Variants in PDE7A observed in about 807,000 individuals in gnomAD.
The protein encoded by PDE7A is phosphodiesterase 7A, also known as high affinity 3',5'-cyclic-AMP phosphodiesterase 7A.
Under a neutral mutation model 64.3 loss-of-function variants are expected in PDE7A, and 39 were observed. The observed-to-expected ratio is 0.61, with a 90% CI of 0.47 to 0.79. The LOEUF (loss-of-function observed/expected upper bound fraction) is 0.79, where lower values mean the gene tolerates loss of function less well. Ranked by LOEUF, PDE7A falls within the 30% of genes least tolerant of loss-of-function variation. The pLI is 0.00. For synonymous variants in PDE7A, 203 were observed against 206.8 expected (o/e 0.98, Z 0.16); for missense variants, 470 against 582.8 (o/e 0.81, Z 1.99).
chr8:65,784,529 A>G (rs1399284238), intron 1 of PDE7A, among the ~76,000 whole-genome samples: 1 of 152,178 alleles, frequency 6.6e-6, no homozygotes, highest in East Asian at 1.9e-4. Context: ...CTGTATTTTA[A>G]AAAGTCTTAG....
At chr8:65,794,289 TC>T (rs1809779368) in intron 1 of PDE7A, among the ~76,000 whole-genome samples, 2 of 152,144 alleles carry the variant, frequency 1.3e-5, no homozygotes, top group African/African-American at 4.8e-5. Context: ...CAAAGGCTCC[TC>T]AATGGGACAG....
intron 1 of PDE7A, among the ~76,000 whole-genome samples, chr8:65,802,514 A>C (rs1810015307): frequency 6.6e-6 from 1 of 152,140 alleles, no homozygotes; most frequent in South Asian, 2.1e-4. Context: ...TCCAGTGTTT[A>C]CTCTTCCTAA....
At chr8:65,784,365 A>G (rs1197431320) in intron 1 of PDE7A, among the ~76,000 whole-genome samples, 1 of 152,234 alleles carries the variant, frequency 6.6e-6, no homozygotes, top group Non-Finnish European at 1.5e-5. Context: ...TGTGGAGGAA[A>G]TACTGATTTT....
At chr8:65,787,543 C>T (rs1411345536) in intron 1 of PDE7A, among the ~76,000 whole-genome samples, 1 of 152,116 alleles carries the variant, frequency 6.6e-6, no homozygotes, top group Non-Finnish European at 1.5e-5. Flanking sequence ...CACTGATCTA[C>T]CAAACAGTAT....
intron 3 of PDE7A, among the ~76,000 whole-genome samples, chr8:65,757,605 T>C (rs1122354): frequency 0.095 from 14,265 of 149,470 alleles, 1,698 homozygotes; most frequent in East Asian, 0.5. Flanking sequence ...ACTTTGTTTT[T>C]GTTTTGTTTT....
In PDE7A at chr8:65,717,183, T is replaced by C. The variant is rs1459179401; in HGVS notation, c.*2107A>G. Among the ~76,000 whole-genome samples the C allele has an allele frequency of 6.6e-6, 1 of 152,232 alleles. No individual in the cohort carries two copies. The highest frequency in any genetic ancestry group is 1.5e-5 in the Non-Finnish European group (1 of 68,036). On this transcript the variant is annotated 3_prime_UTR_variant, in exon 13 of 13. Coordinates refer to ENST00000401827, the MANE Select transcript of PDE7A (RefSeq NM_001242318.3). ...AATTATGTGGCTTGGATTCTGTTTC[T>C]ATTGGACATCAACACTCTTCTGTAC...
At chr8:65,733,426 G>GT (rs1806987595) in intron 7 of PDE7A, among the ~76,000 whole-genome samples, 1 of 152,150 alleles carries the variant, frequency 6.6e-6, no homozygotes, top group Non-Finnish European at 1.5e-5. Flanking sequence ...TCAAACAGAG[G>GT]ATGCAGTCTT....
At chr8:65,819,577 A>G (rs542240391) in intron 1 of PDE7A, among the ~76,000 whole-genome samples, 60 of 152,384 alleles carry the variant, frequency 3.9e-4, no homozygotes, top group Admixed American at 1.2e-3. Context: ...AAGCAATGTA[A>G]GTATTTAGCA....
At chr8:65,805,693 TA>T (rs1045012599) in intron 1 of PDE7A, among the ~76,000 whole-genome samples, 5 of 152,222 alleles carry the variant, frequency 3.3e-5, no homozygotes, top group Non-Finnish European at 7.3e-5. Flanking sequence ...GTTTGAGGGA[TA>T]ATGGTACTGT....
rs554503198 is a variant in PDE7A, at chr8:65,768,371, A to G, written c.283+11349T>C. On this transcript the variant is annotated intron_variant, in intron 3 of 12. Transcript: ENST00000401827. The stretch of plus-strand genomic sequence containing the variant: ...TTGTGGGAGGGACCTGGTAGGAGGT[A>G]GTTGAATCATGGGGGTGCTAATTCT... Among the ~76,000 whole-genome samples, 5 of 152,266 alleles carry G rather than the reference A, an allele frequency of 3.3e-5. No homozygotes were observed. In the South Asian group the frequency reaches 1.0e-3, roughly 32 times the overall value.
At chr8:65,814,714 T>C (rs1810351704) in intron 1 of PDE7A, among the ~76,000 whole-genome samples, 1 of 151,824 alleles carries the variant, frequency 6.6e-6, no homozygotes, top group South Asian at 2.1e-4. Flanking sequence ...TCTAAATTAT[T>C]TAATTTTGGC....
chr8:65,726,328 T>G (rs929792527), intron 9 of PDE7A, among the ~76,000 whole-genome samples: 3 of 149,358 alleles, frequency 2.0e-5, no homozygotes, highest in Non-Finnish European at 4.5e-5. Context: ...AATAGCCCAT[T>G]TATTTTTTTT....
intron 9 of PDE7A, 79 bp downstream of exon 9, chr8:65,726,796 T>A (rs1000888906): frequency 6.6e-6 from 5 of 760,224 alleles, no homozygotes; most frequent in Non-Finnish European, 1.1e-5. Flanking sequence ...CATAACAATT[T>A]TTAAAACTTT....
In PDE7A at chr8:65,747,878, A is replaced by G. The variant is rs935643010; in HGVS notation, c.284-75T>C. ...ATGCTATCTTTGCAATACCACTTTT[A>G]GTTATGTACAAGTATTTTTAAAAAT... On this transcript the variant is annotated intron_variant, in intron 3 of 12. Transcript: ENST00000401827. The G allele has an allele frequency of 4.9e-5, 39 of 800,234 alleles. No individual in the cohort carries two copies. The East Asian group carries it at 1.1e-3, about 22-fold the overall frequency. 49.6% of individuals were successfully genotyped at this position (800,234 alleles called of 1,614,324 possible). A position where few individuals can be genotyped will look rare whatever the true frequency, so the allele number is the denominator to read the frequency against.
At chr8:65,823,096 C>T (rs1331175832) in intron 1 of PDE7A, among the ~76,000 whole-genome samples, 4 of 151,998 alleles carry the variant, frequency 2.6e-5, no homozygotes, top group African/African-American at 9.7e-5. Context: ...CCACTTGAAT[C>T]CTGCTCTAAG....
In PDE7A at chr8:65,723,620, T is replaced by C; in HGVS notation, c.1164A>G (p.Gly388=). Residue 388 remains glycine (G), a splice_region_variant and synonymous_variant, in exon 12 of 13, where the codon GGA becomes GGG. Transcript: ENST00000401827. Reference sequence around the variant, plus strand: ...CCAAATGATATTTTTTTTCTATATCTCCTATAAATTAAAAAAAGAGAAGTA... The same window carrying C: ...CCAAATGATATTTTTTTTCTATATCCCCTATAAATTAAAAAAAGAGAAGTA... ...EKVTEEFFHQ[G]DIEKKYHLGV... The C allele has an allele frequency of 1.3e-6, 2 of 1,544,634 alleles. No homozygotes were observed. The highest frequency in any genetic ancestry group is 1.4e-5 in the African/African-American group (1 of 71,092).
intron 3 of PDE7A, among the ~76,000 whole-genome samples, chr8:65,755,319 C>T (rs905698141): frequency 9.9e-5 from 15 of 152,214 alleles, no homozygotes; most frequent in Non-Finnish European, 2.1e-4. Flanking sequence ...TCATGCCCGG[C>T]CCATTATTGC....
chr8:65,820,621 G>A (rs916851189), intron 1 of PDE7A, among the ~76,000 whole-genome samples: 3 of 152,018 alleles, frequency 2.0e-5, no homozygotes, highest in Non-Finnish European at 2.9e-5. Flanking sequence ...ATGGAGTCTC[G>A]CTCTGTTACC....
At chr8:65,819,369 C>T (rs1347194507) in intron 1 of PDE7A, among the ~76,000 whole-genome samples, 1 of 152,164 alleles carries the variant, frequency 6.6e-6, no homozygotes, top group Admixed American at 6.5e-5. Context: ...TGCACTCCAG[C>T]CTGGGTGACA....
Sources: allele counts gnomAD v4.1 joint callset (sites outside exome capture counted in the v4.1 genomes callset), GRCh38; gene constraint gnomAD v4.1.1; transcripts MANE v1.5; gene names NCBI Gene and HGNC (gene_info 2026-07-23, HGNC 2026-07-21).